ADGRD1: variants seen among roughly 807,000 people sequenced by gnomAD.
ADGRD1 encodes the protein adhesion G protein-coupled receptor D1, also known as G-protein coupled receptor 133.
In ADGRD1, 77 loss-of-function variants were observed where a neutral mutation model predicts 113.4. That is an observed-to-expected ratio of 0.68 (90% confidence interval 0.57 to 0.82). ADGRD1 has a LOEUF of 0.82. ADGRD1 is among the 40% of genes least tolerant of loss of function. The pLI is 0.00. For missense variants in ADGRD1, 1,036 were observed against 1,139.1 expected (o/e 0.91, Z 1.30); for synonymous variants, 474 against 475.0 (o/e 1.00, Z 0.03).
chr12:130,959,263 A>G (rs534626149), intron 2 of ADGRD1, among the ~76,000 whole-genome samples: 2 of 152,308 alleles, frequency 1.3e-5, no homozygotes, highest in Admixed American at 6.5e-5. Context: ...TGCCTTATGC[A>G]TAGGAGACAC....
chr12:130,954,371 T>G lies in ADGRD1; in HGVS notation c.-95T>G. 1 of 1,119,734 alleles carries G rather than the reference T, an allele frequency of 8.9e-7. No homozygotes were observed. The highest frequency in any genetic ancestry group is 2.4e-5 in the East Asian group (1 of 41,302). The allele number at this position is 1,119,734 out of a possible 1,614,324, so 69.4% of individuals were successfully genotyped here. A position where few individuals can be genotyped will look rare whatever the true frequency, so the allele number is the denominator to read the frequency against. On this transcript the variant is annotated 5_prime_UTR_variant, in exon 1 of 25. An upstream start codon of the reference 5' UTR is lost. Transcript: ENST00000261654. The surrounding 1 kb of genome is among the most constrained non-coding windows in gnomAD (Gnocchi z 4.7). ...TTTTCTCCCCTGGAACCTGTGAAAA[T>G]GTCCCTTTTCCAAGGAAGTGAAGGT...
intron 4 of ADGRD1, among the ~76,000 whole-genome samples, chr12:130,981,562 C>T (rs1034480508): frequency 9.9e-5 from 15 of 152,106 alleles, no homozygotes; most frequent in Admixed American, 4.6e-4. Flanking sequence ...GGGGCTGCAG[C>T]GATCTTCATC....
rs75829802 is a variant in ADGRD1, at chr12:130,983,924, C to G, written c.490+1861C>G. ...TTGTGGGGGAATCAACAGTCAAAGTCTGATGAACATTCTTGTTGATGAGCG... is the reference window on the plus strand; with the variant it reads ...TTGTGGGGGAATCAACAGTCAAAGTGTGATGAACATTCTTGTTGATGAGCG... On this transcript the variant is annotated intron_variant, in intron 5 of 24. Transcript: ENST00000261654. Among the ~76,000 whole-genome samples, 66 of 152,320 alleles carry G rather than the reference C, an allele frequency of 4.3e-4. No homozygotes were observed. In the East Asian group the frequency reaches 0.012, roughly 27 times the overall value.
At chr12:131,089,144 T>G (rs1281387441) in intron 15 of ADGRD1, among the ~76,000 whole-genome samples, 1 of 152,144 alleles carries the variant, frequency 6.6e-6, no homozygotes, top group African/African-American at 2.4e-5. Context: ...CGGCCCCACA[T>G]GTGTGCTCGT....
intron 13 of ADGRD1, among the ~76,000 whole-genome samples, chr12:131,061,336 G>A (rs923787145): frequency 1.1e-4 from 16 of 152,096 alleles, no homozygotes; most frequent in African/African-American, 3.1e-4. Flanking sequence ...GTCACCTGCC[G>A]TCCCCGTCAC....
At chr12:130,973,060 A>G (rs1042735891) in intron 4 of ADGRD1, 1 of 152,220 alleles carries the variant, frequency 6.6e-6, no homozygotes, top group Non-Finnish European at 1.5e-5. Flanking sequence ...ACACTGAAAA[A>G]TAGGAAATTT....
intron 6 of ADGRD1, chr12:130,990,610 C>G (rs911510569): frequency 6.1e-6 from 1 of 164,560 alleles, no homozygotes; most frequent in African/African-American, 2.4e-5. Flanking sequence ...GGAGAGCGCT[C>G]CCAGGGCTCC....
chr12:131,123,830 A>G (rs1204400241), intron 20 of ADGRD1, among the ~76,000 whole-genome samples: 1 of 151,964 alleles, frequency 6.6e-6, no homozygotes, highest in East Asian at 1.9e-4. Flanking sequence ...CGTCTCAAAA[A>G]AAAAAAAAAA....
intron 4 of ADGRD1, among the ~76,000 whole-genome samples, chr12:130,974,719 AAT>A (rs1872099321): frequency 6.6e-6 from 1 of 152,156 alleles, no homozygotes; most frequent in Non-Finnish European, 1.5e-5. Flanking sequence ...TTTTTTAACA[AAT>A]AATGTTTTAG....
At chr12:131,079,141 A>C (rs761739800) in intron 14 of ADGRD1, among the ~76,000 whole-genome samples, 16 of 152,208 alleles carry the variant, frequency 1.1e-4, no homozygotes, top group Non-Finnish European at 2.2e-4. Flanking sequence ...TTAATTTTGC[A>C]TAGTGTGTTG....
rs908200699 is a variant in ADGRD1 at position 131,050,654 on chromosome 12, C to T, written c.1474-26147C>T. Among the ~76,000 whole-genome samples the T allele has an allele frequency of 1.7e-4, 26 of 152,068 alleles. No individual in the cohort carries two copies. Among genetic ancestry groups the T allele is most frequent in the Admixed American group, 1.0e-3 (16 of 15,300 alleles). On this transcript the variant is annotated intron_variant, in intron 13 of 24. Coordinates refer to ENST00000261654, the MANE Select transcript of ADGRD1 (RefSeq NM_198827.5). This position sits in a 1 kb window ranked among gnomAD's most constrained non-coding sequence, Gnocchi z 4.8. ...GACCAGATCCACGAGAACGCATGAT[C>T]GTGGGGACAGTGCCAAGAGGGATGG... is the stretch of plus-strand genomic sequence containing the variant.
At chr12:131,071,467 G>A (rs1234012321) in intron 13 of ADGRD1, among the ~76,000 whole-genome samples, 4 of 152,178 alleles carry the variant, frequency 2.6e-5, no homozygotes, top group Non-Finnish European at 5.9e-5. Flanking sequence ...TGAGTGGGAA[G>A]GGTAATGTGA....
At chr12:131,105,900 C>T (rs1299589742) in intron 17 of ADGRD1, 35 bp downstream of exon 17, 1 of 1,474,254 alleles carries the variant, frequency 6.8e-7, no homozygotes, top group Admixed American at 1.7e-5. Context: ...CTGCGCTGTC[C>T]TTCCCTTGCC....
intron 12 of ADGRD1, among the ~76,000 whole-genome samples, chr12:131,007,120 C>T (rs960305784): frequency 4.6e-5 from 7 of 152,210 alleles, no homozygotes; most frequent in East Asian, 1.9e-4. Context: ...AAGCGGCATC[C>T]GTGCCACGGC....
chr12:131,014,342 T>C lies in ADGRD1; in HGVS notation c.1473+2T>C. On this transcript the variant is annotated splice_donor_variant, in intron 13 of 24. Transcript: ENST00000261654. LOFTEE classifies it high-confidence loss of function. ...ACGGTCCACCTCAAGCACAGATTGG[T>C]GAGTGGCGGTGCCTTCACCCTTGTC... 1 of 1,611,238 alleles carries C rather than the reference T, an allele frequency of 6.2e-7. No homozygotes were observed. The highest frequency in any genetic ancestry group is 2.2e-5 in the East Asian group (1 of 44,718).
In ADGRD1 at chr12:130,987,189, A is replaced by G. The variant is rs1180309788; in HGVS notation, c.585A>G (p.Gly195=). ...CCCTGAGCACCTCTGATCCGAGTGG[A>G]AAAGTGTCTCGTGACTATGGAGAGT... is the stretch of plus-strand genomic sequence containing the variant. ...NGTLSTSDPS[G]KVSRDYGESN... Residue 195 remains glycine, a synonymous_variant, in exon 6 of 25, where the codon GGA becomes GGG. Coordinates refer to ENST00000261654, the MANE Select transcript of ADGRD1 (RefSeq NM_198827.5). 1 of 1,614,056 alleles carries G rather than the reference A, an allele frequency of 6.2e-7. No homozygotes were observed. The highest frequency in any genetic ancestry group is 8.5e-7 in the Non-Finnish European group (1 of 1,179,988).
At chr12:130,992,610 C>G (rs2136658637) in intron 8 of ADGRD1, 1 of 460,476 alleles carries the variant, frequency 2.2e-6, no homozygotes, top group East Asian at 3.4e-5. Flanking sequence ...TGAGTCTTTG[C>G]TGTGGTTTCC....
rs1218320708 is a variant in ADGRD1 at position 131,005,960 on chromosome 12, C to T, written c.1256-12C>T. 3.1e-6 allele frequency: 5 copies of T among 1,608,576 alleles called. No individual in the cohort carries two copies. Among genetic ancestry groups the T allele is most frequent in the East Asian group, 2.2e-5 (1 of 44,882 alleles). ...AGCGCTGACAGCGCCTGCCCCTCTGCTCTCTCTGCAGCCTGGAGCACCGTC... is the reference window on the plus strand; with the variant it reads ...AGCGCTGACAGCGCCTGCCCCTCTGTTCTCTCTGCAGCCTGGAGCACCGTC... On this transcript the variant is annotated splice_polypyrimidine_tract_variant and intron_variant, in intron 11 of 24. Coordinates refer to ENST00000261654, the MANE Select transcript of ADGRD1 (RefSeq NM_198827.5).
Position 130,954,361 on chromosome 12 carries a change from C to T in ADGRD1, c.-105C>T, listed in dbSNP as rs112275865. Reference sequence around the variant, plus strand: ...GAGACAGAAATTTTCTCCCCTGGAACCTGTGAAAATGTCCCTTTTCCAAGG... The same window carrying T: ...GAGACAGAAATTTTCTCCCCTGGAATCTGTGAAAATGTCCCTTTTCCAAGG... On this transcript the variant is annotated 5_prime_UTR_variant, in exon 1 of 25. Transcript: ENST00000261654. This position sits in a 1 kb window ranked among gnomAD's most constrained non-coding sequence, Gnocchi z 4.7. The T allele has an allele frequency of 8.9e-5, 89 of 1,004,300 alleles. 3 individuals carry two copies. The African/African-American group carries it at 1.3e-3, about 15-fold the overall frequency. The allele number at this position is 1,004,300 out of a possible 1,614,324, so 62.2% of individuals were successfully genotyped here.
Sources: allele counts gnomAD v4.1 joint callset (sites outside exome capture counted in the v4.1 genomes callset), GRCh38; gene constraint gnomAD v4.1.1; non-coding constraint Gnocchi (gnomAD v3.1); transcripts MANE v1.5; gene names NCBI Gene and HGNC (gene_info 2026-07-23, HGNC 2026-07-21).